The following CHSY1 variants were observed in gnomAD, a reference collection of about 807,000 sequenced individuals.
The protein encoded by CHSY1 is chondroitin sulfate synthase 1.
A neutral mutation model predicts 59.8 loss-of-function variants in CHSY1; 13 were observed. The ratio of observed to expected loss-of-function variants is 0.22; its 90% CI spans 0.14 to 0.35. The LOEUF (loss-of-function observed/expected upper bound fraction) is 0.35. CHSY1 is among the 10% of genes least tolerant of loss of function. The pLI is 1.00. For synonymous variants in CHSY1, 459 were observed against 401.2 expected, an observed-to-expected ratio of 1.14 and a Z score of -1.72; for missense variants, 947 against 1,030.6, an observed-to-expected ratio of 0.92 and a Z score of 1.11.
At chr15:101,195,987 G>A (rs2038502679) in intron 2 of CHSY1, among the ~76,000 whole-genome samples, 1 of 152,036 alleles carries the variant, frequency 6.6e-6, no homozygotes, top group Non-Finnish European at 1.5e-5. Context: ...AGTGGCTCAT[G>A]CCTGTAATCC....
At chr15:101,231,871 T>C (rs2038896045) in intron 2 of CHSY1, among the ~76,000 whole-genome samples, 1 of 152,214 alleles carries the variant, frequency 6.6e-6, no homozygotes, top group South Asian at 2.1e-4. Flanking sequence ...CAAAAACACC[T>C]CACCTGAGTT....
intron 2 of CHSY1, among the ~76,000 whole-genome samples, chr15:101,222,644 T>C (rs1367985649): frequency 2.0e-5 from 3 of 152,232 alleles, no homozygotes. Flanking sequence ...TTTCCTGACC[T>C]GACACTTTTG....
chr15:101,214,409 T>C (rs1393857769), intron 2 of CHSY1, among the ~76,000 whole-genome samples: 1 of 152,246 alleles, frequency 6.6e-6, no homozygotes, highest in Non-Finnish European at 1.5e-5. Context: ...AGACATGGAC[T>C]AAAGTAAGAT....
chr15:101,191,881 C>T (rs2038450487), intron 2 of CHSY1, among the ~76,000 whole-genome samples: 2 of 151,932 alleles, frequency 1.3e-5, no homozygotes, highest in Admixed American at 6.6e-5. Flanking sequence ...CTTCCTTCAT[C>T]CATCTATCTA....
intron 2 of CHSY1, among the ~76,000 whole-genome samples, chr15:101,230,659 G>T (rs1056545058): frequency 1.3e-5 from 2 of 152,124 alleles, no homozygotes; most frequent in Non-Finnish European, 2.9e-5. Flanking sequence ...TAACAAGGAA[G>T]ATTTTATCTT....
At chr15:101,238,709 G>A (rs1390495166) in intron 1 of CHSY1, among the ~76,000 whole-genome samples, 2 of 152,068 alleles carry the variant, frequency 1.3e-5, no homozygotes, top group African/African-American at 2.4e-5. Context: ...GTATTCTTAC[G>A]CCACTTAAAT....
chr15:101,178,246 A>C lies in CHSY1; in HGVS notation c.1551T>G (p.Phe517Leu). The change falls in exon 3 of 3, where the codon TTT becomes TTG. Residue 517 changes from phenylalanine (F) to leucine (L), a missense_variant. Coordinates refer to ENST00000254190, the MANE Select transcript of CHSY1 (RefSeq NM_014918.5). ...LSNSLKKLVPFQLPGSKSEHK... is the reference protein window; with the variant it reads ...LSNSLKKLVPLQLPGSKSEHK... ...GCTCACTCTTCGACCCAGGGAGCTG[A>C]AAGGGGACGAGCTTCTTCAGGGAGT... 6.2e-7 allele frequency: 1 copy of C among 1,614,166 alleles called. No homozygotes were observed. The highest frequency in any genetic ancestry group is 1.1e-5 in the South Asian group (1 of 91,088).
intron 2 of CHSY1, among the ~76,000 whole-genome samples, chr15:101,200,552 C>T (rs1017507860): frequency 1.3e-5 from 2 of 152,144 alleles, no homozygotes; most frequent in African/African-American, 4.8e-5. Flanking sequence ...TTCTTAAGTA[C>T]CATGAAAGAT....
At chr15:101,232,842 G>A (rs2038904697) in intron 2 of CHSY1, among the ~76,000 whole-genome samples, 1 of 152,232 alleles carries the variant, frequency 6.6e-6, no homozygotes, top group South Asian at 2.1e-4. Flanking sequence ...CTGCAGGTGG[G>A]AGGGCCCTGT....
chr15:101,249,338 T>G (rs2039083388), intron 1 of CHSY1, among the ~76,000 whole-genome samples: 1 of 150,818 alleles, frequency 6.6e-6, no homozygotes, highest in South Asian at 2.1e-4. Context: ...CTGTAAATAA[T>G]CTATATGGCT....
intron 1 of CHSY1, among the ~76,000 whole-genome samples, chr15:101,239,814 C>T (rs936984910): frequency 2.0e-5 from 3 of 151,914 alleles, no homozygotes; most frequent in African/African-American, 4.8e-5. Context: ...ACGAGCATTT[C>T]GCGGTAGAGC....
chr15:101,216,880 A>C (rs1238151307), intron 2 of CHSY1, among the ~76,000 whole-genome samples: 3 of 152,210 alleles, frequency 2.0e-5, no homozygotes, highest in African/African-American at 7.2e-5. Context: ...GATGTATATA[A>C]ATTTTTACGA....
chr15:101,223,553 C>T (rs2141268128), intron 2 of CHSY1, among the ~76,000 whole-genome samples: 1 of 151,196 alleles, frequency 6.6e-6, no homozygotes, highest in South Asian at 2.1e-4. Flanking sequence ...GGACTCAGGC[C>T]TCGTCTACTA....
chr15:101,227,529 A>G (rs1013033909), intron 2 of CHSY1, among the ~76,000 whole-genome samples: 6 of 152,240 alleles, frequency 3.9e-5, no homozygotes, highest in Non-Finnish European at 8.8e-5. Flanking sequence ...AAAGCAGGGA[A>G]TAAGATGCAA....
chr15:101,185,434 T>C (rs528361925), intron 2 of CHSY1, among the ~76,000 whole-genome samples: 6 of 149,812 alleles, frequency 4.0e-5, no homozygotes, highest in Admixed American at 1.3e-4. Flanking sequence ...GCACCCTCCA[T>C]CCTCCTTCCC....
At chr15:101,180,234 G>A (rs1003101845) in intron 2 of CHSY1, among the ~76,000 whole-genome samples, 4 of 152,192 alleles carry the variant, frequency 2.6e-5, no homozygotes, top group African/African-American at 4.8e-5. Context: ...TGCCTGCCAG[G>A]CCCCGCACAG....
chr15:101,235,499 T>C lies in CHSY1; in HGVS notation c.399A>G (p.Val133=), dbSNP rs1426260943. Residue 133 remains valine, a synonymous_variant, in exon 2 of 3, where the codon GTA becomes GTG. Transcript: ENST00000254190. ...AGTCGTCCACACCCCGTAGTGGCAC[T>C]ACTGGAATTGGTACAGATGTGTCAG... ...EGSDTSVPIP[V]VPLRGVDDSY... The C allele has an allele frequency of 6.2e-7, 1 of 1,614,156 alleles. No homozygotes were observed. Among genetic ancestry groups the C allele is most frequent in the Non-Finnish European group, 8.5e-7 (1 of 1,180,000 alleles).
chr15:101,251,111 G>A (rs1419041777), intron 1 of CHSY1, 26 bp downstream of exon 1: 11 of 1,551,532 alleles, frequency 7.1e-6, no homozygotes, highest in Non-Finnish European at 9.5e-6. Flanking sequence ...GACGCAGGAG[G>A]CGGTGCCCGG....
In CHSY1 at chr15:101,178,322, T is replaced by G; in HGVS notation, c.1475A>C (p.Glu492Ala). ...TTCCTGATTGATTCTCTTGGCCAAC[T>G]CTTGTGCATCCAGCTCCTCATGCTC... ...FVEHEELDAQ[E>A]LAKRINQESG... The change falls in exon 3 of 3, where the codon GAG becomes GCG. Residue 492 changes from glutamate (E) to alanine (A), a missense_variant. Transcript: ENST00000254190. The G allele has an allele frequency of 6.2e-7, 1 of 1,608,186 alleles. No individual in the cohort carries two copies. The highest frequency in any genetic ancestry group is 8.5e-7 in the Non-Finnish European group (1 of 1,175,208).
Sources: allele counts gnomAD v4.1 joint callset (sites outside exome capture counted in the v4.1 genomes callset), GRCh38; gene constraint gnomAD v4.1.1; transcripts MANE v1.5; gene names NCBI Gene and HGNC (gene_info 2026-07-23, HGNC 2026-07-21).